The following TRPS1 variants were observed in gnomAD, a reference collection of about 807,000 sequenced individuals.
TRPS1 encodes zinc finger transcription factor Trps1.
In TRPS1, 6 loss-of-function variants were observed where a neutral mutation model predicts 101.2. That is an observed-to-expected ratio of 0.06 (90% CI 0.03 to 0.12). TRPS1 has a LOEUF of 0.12. Ranked by LOEUF, TRPS1 falls within the 10% of genes least tolerant of loss-of-function variation. TRPS1 has a pLI of 1.00. For synonymous variants in TRPS1, 578 were observed against 589.8 expected, an observed-to-expected ratio of 0.98 and a Z score of 0.29; for missense variants, 1,363 against 1,567.0, an observed-to-expected ratio of 0.87 and a Z score of 2.20.
chr8:115,486,269 G>A (rs1814877290), intron 5 of TRPS1, among the ~76,000 whole-genome samples: 1 of 152,140 alleles, frequency 6.6e-6, no homozygotes, highest in African/African-American at 2.4e-5. Flanking sequence ...ACACTCATAA[G>A]GTAGCGTACT....
At chr8:115,470,362 G>A (rs925703769) in intron 5 of TRPS1, among the ~76,000 whole-genome samples, 1 of 151,992 alleles carries the variant, frequency 6.6e-6, no homozygotes, top group African/African-American at 2.4e-5. Flanking sequence ...GCTTATCCTT[G>A]TATTCCATTT....
chr8:115,550,204 A>G (rs1416166333), intron 5 of TRPS1, among the ~76,000 whole-genome samples: 1 of 152,128 alleles, frequency 6.6e-6, no homozygotes, highest in Non-Finnish European at 1.5e-5. Flanking sequence ...ACTGAGCAAG[A>G]CTCTGTCTCA....
rs532446647 is a variant in TRPS1, at chr8:115,469,676, C to T, written c.2701-51224G>A. On this transcript the variant is annotated intron_variant, in intron 5 of 6. Coordinates refer to ENST00000395715, the MANE Select transcript of TRPS1 (RefSeq NM_014112.5). ...CCACCAGATACCCTAAATCAGGCTT[C>T]CGCCACCAAACCTGGCTAATTTTTG... 1.3e-4 allele frequency among the ~76,000 whole-genome samples: 20 copies of T among 152,028 alleles called. No individual in the cohort carries two copies. The South Asian group carries it at 3.9e-3, about 30-fold the overall frequency.
chr8:115,585,087 G>A (rs1194025528), intron 5 of TRPS1, among the ~76,000 whole-genome samples: 1 of 152,078 alleles, frequency 6.6e-6, no homozygotes, highest in Non-Finnish European at 1.5e-5. Flanking sequence ...ATAAATCATA[G>A]GGTTGGAATT....
rs187529218 is a variant in TRPS1, at chr8:115,523,852, A to C, written c.2700+63149T>G. Among the ~76,000 whole-genome samples the C allele has an allele frequency of 2.8e-4, 42 of 152,294 alleles. 2 individuals carry two copies. The East Asian group carries it at 7.9e-3, about 29-fold the overall frequency. On this transcript the variant is annotated intron_variant, in intron 5 of 6. Transcript: ENST00000395715. ...ACTCAAATGAAGTGAATTGTAAAAA[A>C]TTCCTGGCCAACTGGAAGGCTGACA...
At chr8:115,573,563 C>G (rs906515710) in intron 5 of TRPS1, among the ~76,000 whole-genome samples, 2 of 152,136 alleles carry the variant, frequency 1.3e-5, no homozygotes, top group South Asian at 4.1e-4. Context: ...GATCAGCCTA[C>G]TAATGAGTCT....
chr8:115,472,654 C>T (rs1814501130), intron 5 of TRPS1, among the ~76,000 whole-genome samples: 1 of 152,186 alleles, frequency 6.6e-6, no homozygotes, highest in Non-Finnish European at 1.5e-5. Flanking sequence ...TTTATGCTCT[C>T]TTCCCTTTTA....
Position 115,408,997 on chromosome 8 carries a change from T to C in TRPS1, c.*5026A>G, listed in dbSNP as rs1205533142. The C allele has an allele frequency of 6.6e-6, 1 of 152,200 alleles. No individual in the cohort carries two copies. The highest frequency in any genetic ancestry group is 1.5e-5 in the Non-Finnish European group (1 of 67,922). 9.4% of individuals were successfully genotyped at this position (152,200 alleles called of 1,614,324 possible). ...AACACTATTGGCTGCCTAGTTGATA[T>C]TTACAGCTCGTCTTTAAGAAAAATG... On this transcript the variant is annotated 3_prime_UTR_variant, in exon 7 of 7. Coordinates refer to ENST00000395715, the MANE Select transcript of TRPS1 (RefSeq NM_014112.5).
At chr8:115,620,462 CATGTT>C (rs148238143) in intron 2 of TRPS1, among the ~76,000 whole-genome samples, 3,092 of 152,026 alleles carry the variant, frequency 0.02, 89 homozygotes, top group African/African-American at 0.065. Flanking sequence ...AACATGTACA[CATGTT>C]ATGTTTATAA....
intron 1 of TRPS1, among the ~76,000 whole-genome samples, chr8:115,652,585 T>C (rs1049079387): frequency 5.3e-5 from 8 of 152,230 alleles, no homozygotes; most frequent in Non-Finnish European, 1.2e-4. Flanking sequence ...AAAGGAGCCA[T>C]ATTCAATATT....
intron 5 of TRPS1, among the ~76,000 whole-genome samples, chr8:115,498,105 TG>T: frequency 6.6e-6 from 1 of 152,174 alleles, no homozygotes; most frequent in Non-Finnish European, 1.5e-5. Flanking sequence ...AGGCTGGGTG[TG>T]GTGGCTCACG....
intron 5 of TRPS1, among the ~76,000 whole-genome samples, chr8:115,518,175 A>T (rs1293032561): frequency 6.6e-6 from 1 of 151,872 alleles, no homozygotes; most frequent in East Asian, 1.9e-4. Flanking sequence ...TACAGTATGT[A>T]TGTAAGAAAT....
intron 1 of TRPS1, among the ~76,000 whole-genome samples, chr8:115,657,893 C>T (rs11997838): frequency 0.15 from 22,839 of 151,872 alleles, 5,367 homozygotes; most frequent in African/African-American, 0.5. Flanking sequence ...TAGACACTGT[C>T]CCCAGAATGG....
chr8:115,421,836 C>A (rs926599382), intron 5 of TRPS1, among the ~76,000 whole-genome samples: 1 of 152,130 alleles, frequency 6.6e-6, no homozygotes, highest in Non-Finnish European at 1.5e-5. Context: ...TGTAACCTGG[C>A]AGGACACAGT....
At position 115,414,271 on chromosome 8, in the gene TRPS1, C is replaced by G. The variant is rs1390669172; in HGVS notation, c.3637G>C (p.Val1213Leu). 4 of 1,613,886 alleles carry G rather than the reference C, an allele frequency of 2.5e-6. No homozygotes were observed. In the Admixed American group the frequency reaches 5.0e-5, roughly 20 times the overall value. Reference sequence around the variant, plus strand: ...CTTCTATCAACTTTCTCTGTTTTTACTACATTCAAGGGACCTTCATTTTTT... The same window carrying G: ...CTTCTATCAACTTTCTCTGTTTTTAGTACATTCAAGGGACCTTCATTTTTT... ...NVKNEGPLNV[V>L]KTEKVDRSTQ... Residue 1213 changes from valine to leucine, a missense_variant, in exon 7 of 7, where the codon GTA becomes CTA. By Grantham distance (32) the Val-to-Leu change is conservative. Coordinates refer to ENST00000395715, the MANE Select transcript of TRPS1 (RefSeq NM_014112.5). The surrounding 1 kb of genome is among the most constrained non-coding windows in gnomAD (Gnocchi z 4.8).
intron 1 of TRPS1, among the ~76,000 whole-genome samples, chr8:115,666,403 A>C (rs1811922323): frequency 6.8e-6 from 1 of 148,030 alleles, no homozygotes; most frequent in African/African-American, 2.6e-5. Flanking sequence ...ACCCTGGCAT[A>C]CTTGGGGAAA....
chr8:115,562,867 CCA>C (rs1277142156), intron 5 of TRPS1, among the ~76,000 whole-genome samples: 1 of 136,058 alleles, frequency 7.3e-6, no homozygotes, highest in Non-Finnish European at 1.6e-5. Context: ...CTCCCCCTAC[CCA>C]CAGTGTCTGT....
chr8:115,455,528 T>C (rs1813994313), intron 5 of TRPS1, among the ~76,000 whole-genome samples: 1 of 152,174 alleles, frequency 6.6e-6, no homozygotes, highest in Non-Finnish European at 1.5e-5. Context: ...CTGAGTCCAC[T>C]GGACTCACGC....
At chr8:115,508,112 G>A (rs1345667616) in intron 5 of TRPS1, among the ~76,000 whole-genome samples, 1 of 152,046 alleles carries the variant, frequency 6.6e-6, no homozygotes, top group Non-Finnish European at 1.5e-5. Context: ...AAGCCAATGT[G>A]CCCAGTTCAT....
Sources: allele counts gnomAD v4.1 joint callset (sites outside exome capture counted in the v4.1 genomes callset), GRCh38; gene constraint gnomAD v4.1.1; non-coding constraint Gnocchi (gnomAD v3.1); transcripts MANE v1.5; gene names NCBI Gene and HGNC (gene_info 2026-07-23, HGNC 2026-07-21).